Variants in GDI2 observed in about 807,000 individuals in gnomAD.
GDI2 encodes GDP dissociation inhibitor 2.
In GDI2, 22 loss-of-function variants were observed where a neutral mutation model predicts 54.2. The ratio of observed to expected loss-of-function variants is 0.41; its 90% CI spans 0.29 to 0.58. The LOEUF is 0.58. Among genes scored for constraint, GDI2 ranks in the 20% least tolerant of loss-of-function variants. GDI2 has a pLI of 0.35. For missense variants in GDI2, 422 were observed against 546.0 expected, an observed-to-expected ratio of 0.77 and a Z score of 2.26; for synonymous variants, 177 against 182.1, an observed-to-expected ratio of 0.97 and a Z score of 0.23.
chr10:5,779,263 C>G (rs1291111562), intron 6 of GDI2, among the ~76,000 whole-genome samples: 1 of 151,976 alleles, frequency 6.6e-6, no homozygotes, highest in Non-Finnish European at 1.5e-5. Flanking sequence ...TGTAAAGCAG[C>G]AGTTTGGGAG....
chr10:5,781,139 AC>A (rs1840744582), intron 6 of GDI2, among the ~76,000 whole-genome samples: 1 of 151,930 alleles, frequency 6.6e-6, no homozygotes, highest in African/African-American at 2.4e-5. Context: ...AGTCTTTCCA[AC>A]AAATGCAGCT....
chr10:5,772,867 G>A (rs552209641), intron 7 of GDI2, among the ~76,000 whole-genome samples: 1 of 152,218 alleles, frequency 6.6e-6, no homozygotes, highest in Non-Finnish European at 1.5e-5. Context: ...TGAGGGCTGT[G>A]GGTGCGGAAC....
intron 6 of GDI2, among the ~76,000 whole-genome samples, chr10:5,782,443 C>T (rs751001964): frequency 1.3e-5 from 2 of 152,182 alleles, no homozygotes; most frequent in Non-Finnish European, 2.9e-5. Flanking sequence ...CTATCTGCCA[C>T]ATTAGTCAGC....
chr10:5,794,796 C>T, intron 4 of GDI2, 89 bp downstream of exon 4: 1 of 857,674 alleles, frequency 1.2e-6, no homozygotes, highest in Non-Finnish European at 1.9e-6. Context: ...TATTTGTTGA[C>T]TGGGTCCTCT....
chr10:5,793,397 G>A (rs933864335), intron 4 of GDI2, among the ~76,000 whole-genome samples: 1 of 152,066 alleles, frequency 6.6e-6, no homozygotes, highest in Non-Finnish European at 1.5e-5. Flanking sequence ...AAATAATTTC[G>A]AACCCATGAT....
intron 4 of GDI2, among the ~76,000 whole-genome samples, chr10:5,787,551 C>A (rs1219658878): frequency 6.6e-6 from 1 of 151,708 alleles, no homozygotes; most frequent in African/African-American, 2.4e-5. Context: ...CAACTGACTA[C>A]ATTTAATTTT....
At chr10:5,806,594 C>T (rs184783886) in intron 1 of GDI2, among the ~76,000 whole-genome samples, 3 of 152,124 alleles carry the variant, frequency 2.0e-5, no homozygotes, top group Admixed American at 2.0e-4. Context: ...TTCTTCCATT[C>T]TGTGGCCTGC....
intron 4 of GDI2, among the ~76,000 whole-genome samples, chr10:5,794,181 AAAAAAAAAT>A (rs1421474879): frequency 3.9e-5 from 2 of 51,632 alleles, no homozygotes; most frequent in Admixed American, 2.8e-4. Context: ...AGAAAAAAAA[AAAAAAAAAT>A]ATATATATAT....
Position 5,774,358 on chromosome 10 carries a change from T to C in GDI2, c.720-417A>G, listed in dbSNP as rs2131685594. 6.6e-6 allele frequency among the ~76,000 whole-genome samples: 1 copy of C among 152,300 alleles called. No individual in the cohort carries two copies. Among genetic ancestry groups the C allele is most frequent in the African/African-American group, 2.4e-5 (1 of 41,552 alleles). On this transcript the variant is annotated intron_variant, in intron 6 of 10. Transcript: ENST00000380191. The surrounding 1 kb of genome is among the most constrained non-coding windows in gnomAD (Gnocchi z 4.8). ...GTTGCTGCAGACCCGTACGGATTCATCTCAGCACGGTAACATATTTTGGTG... is the reference window on the plus strand; with the variant it reads ...GTTGCTGCAGACCCGTACGGATTCACCTCAGCACGGTAACATATTTTGGTG...
At chr10:5,809,775 G>A (rs907290260) in intron 1 of GDI2, among the ~76,000 whole-genome samples, 1 of 152,198 alleles carries the variant, frequency 6.6e-6, no homozygotes, top group Non-Finnish European at 1.5e-5. Flanking sequence ...CCATGGGAGG[G>A]AAGACAGAGG....
At chr10:5,783,815 C>G (rs1415937644) in intron 6 of GDI2, among the ~76,000 whole-genome samples, 1 of 152,198 alleles carries the variant, frequency 6.6e-6, no homozygotes, top group Non-Finnish European at 1.5e-5. Context: ...ATCTGTTAAT[C>G]TGATAGGTTT....
At position 5,765,953 on chromosome 10, in the gene GDI2, A is replaced by G. The variant is rs1012174853; in HGVS notation, c.*53T>C. On this transcript the variant is annotated 3_prime_UTR_variant, in exon 11 of 11. Coordinates refer to ENST00000380191, the MANE Select transcript of GDI2 (RefSeq NM_001494.4). ...TTACAATATTGATTTCATTATATGC[A>G]TTATTTGCCAAATTTTAAATGTGTC... The G allele has an allele frequency of 5.8e-6, 8 of 1,378,738 alleles. No individual in the cohort carries two copies. The highest frequency in any genetic ancestry group is 4.7e-5 in the Admixed American group (2 of 42,516). The allele number at this position is 1,378,738 out of a possible 1,614,324, so 85.4% of individuals were successfully genotyped here.
chr10:5,776,952 G>C lies in GDI2; in HGVS notation c.720-3011C>G. On this transcript the variant is annotated intron_variant, in intron 6 of 10. Coordinates refer to ENST00000380191, the MANE Select transcript of GDI2 (RefSeq NM_001494.4). The surrounding 1 kb of genome is among the most constrained non-coding windows in gnomAD (Gnocchi z 5.3). ...ATTAAAAGGGAAAACCACATAGAAG[G>C]GTAATCCCGGAAATGCTTCATCTGG... is the stretch of plus-strand genomic sequence containing the variant. 1 of 551,806 alleles carries C rather than the reference G, an allele frequency of 1.8e-6. No homozygotes were observed. Among genetic ancestry groups the C allele is most frequent in the East Asian group, 3.1e-5 (1 of 32,344 alleles). 34.2% of individuals were successfully genotyped at this position (551,806 alleles called of 1,614,324 possible).
chr10:5,797,313 G>C (rs545848547), intron 2 of GDI2, among the ~76,000 whole-genome samples: 4 of 152,024 alleles, frequency 2.6e-5, no homozygotes, highest in Non-Finnish European at 5.9e-5. Flanking sequence ...TTGGGAGGCC[G>C]AGGCGGGTGG....
In GDI2 at chr10:5,774,578, G is replaced by A. The variant is rs760339975; in HGVS notation, c.720-637C>T. Among the ~76,000 whole-genome samples the A allele has an allele frequency of 3.3e-5, 5 of 152,060 alleles. No individual in the cohort carries two copies. Among genetic ancestry groups the A allele is most frequent in the South Asian group, 2.1e-4 (1 of 4,820 alleles). ...CGGAACAGTTCCTCTCGGCCGCAGC[G>A]GCTCTGCATCCATAGCTTATCCCTC... On this transcript the variant is annotated intron_variant, in intron 6 of 10. Coordinates refer to ENST00000380191, the MANE Select transcript of GDI2 (RefSeq NM_001494.4). This position sits in a 1 kb window ranked among gnomAD's most constrained non-coding sequence, Gnocchi z 4.8.
At chr10:5,791,686 G>A (rs1263802594) in intron 4 of GDI2, among the ~76,000 whole-genome samples, 1 of 151,264 alleles carries the variant, frequency 6.6e-6, no homozygotes, top group Non-Finnish European at 1.5e-5. Flanking sequence ...GGCGGAGGTT[G>A]CAGTGAGCGC....
rs1451328240 is a variant in GDI2, at chr10:5,793,549, CT to C, written c.388+1335del. Among the ~76,000 whole-genome samples, 9 of 152,184 alleles carry C rather than the reference CT, an allele frequency of 5.9e-5. No individual in the cohort carries two copies. In the East Asian group the frequency reaches 1.7e-3, roughly 29 times the overall value. On this transcript the variant is annotated intron_variant, in intron 4 of 10. Transcript: ENST00000380191. ...TATTTTATACCCAATATTTTCTCCC[CT>C]AATCAGAAGTTAATAGAGGAAACTG...
At chr10:5,803,482 G>A (rs769855806) in intron 1 of GDI2, among the ~76,000 whole-genome samples, 1 of 152,044 alleles carries the variant, frequency 6.6e-6, no homozygotes, top group East Asian at 1.9e-4. Context: ...ACATGTAATC[G>A]GTTTATTATT....
chr10:5,802,533 A>C (rs1244186795), intron 1 of GDI2, among the ~76,000 whole-genome samples: 2 of 151,792 alleles, frequency 1.3e-5, no homozygotes, highest in Non-Finnish European at 2.9e-5. Context: ...AGGGAGTTGG[A>C]GGCTGCAGTG....
Sources: allele counts gnomAD v4.1 joint callset (sites outside exome capture counted in the v4.1 genomes callset), GRCh38; gene constraint gnomAD v4.1.1; non-coding constraint Gnocchi (gnomAD v3.1); transcripts MANE v1.5; gene names NCBI Gene and HGNC (gene_info 2026-07-23, HGNC 2026-07-21).